Variants in TSHZ3 observed in about 807,000 individuals in gnomAD.
TSHZ3 encodes the protein teashirt zinc finger homeobox 3, also known as teashirt homolog 3.
In TSHZ3, 10 loss-of-function variants were observed where a neutral mutation model predicts 64.5. The observed-to-expected ratio is 0.16, with a 90% CI of 0.10 to 0.26. TSHZ3 has a LOEUF of 0.26. Ranked by LOEUF, TSHZ3 falls within the 10% of genes least tolerant of loss-of-function variation. The pLI is 1.00. For synonymous variants in TSHZ3, 608 were observed against 593.1 expected (o/e 1.03, Z -0.36); for missense variants, 1,242 against 1,421.7 (o/e 0.87, Z 2.03).
intron 4 of TSHZ3, among the ~76,000 whole-genome samples, chr19:31,227,912 T>C (rs559446035): frequency 2.0e-5 from 3 of 152,274 alleles, no homozygotes; most frequent in Non-Finnish European, 2.9e-5. Context: ...GAAATCTTAT[T>C]GGTTTATTTT....
chr19:31,184,881 G>A (rs993877423), intron 5 of TSHZ3, among the ~76,000 whole-genome samples: 18 of 152,188 alleles, frequency 1.2e-4, no homozygotes, highest in Admixed American at 1.1e-3. Flanking sequence ...TAAGCAAAAG[G>A]TCAGCAGAGC....
intron 1 of TSHZ3, among the ~76,000 whole-genome samples, chr19:31,306,182 T>C (rs965725319): frequency 1.3e-5 from 2 of 152,168 alleles, no homozygotes; most frequent in Non-Finnish European, 2.9e-5. Context: ...TGGCCTTGCA[T>C]ATGCAGCCTG....
chr19:31,346,844 T>G (rs1280755295), intron 1 of TSHZ3, among the ~76,000 whole-genome samples: 7 of 136,216 alleles, frequency 5.1e-5, no homozygotes, highest in African/African-American at 1.5e-4. Flanking sequence ...AAATGTGGAG[T>G]TTTTTTTTTT....
At chr19:31,303,547 C>T (rs7255052) in intron 1 of TSHZ3, among the ~76,000 whole-genome samples, 7,449 of 149,870 alleles carry the variant, frequency 0.05, 462 homozygotes, top group African/African-American at 0.13. Flanking sequence ...GCTGAGTGGA[C>T]GGAATCACTC....
intron 5 of TSHZ3, among the ~76,000 whole-genome samples, chr19:31,192,257 TAGA>T (rs1290663633): frequency 2.6e-5 from 4 of 152,222 alleles, no homozygotes; most frequent in African/African-American, 7.2e-5. Context: ...AAGGCACATT[TAGA>T]AGAAGAATAA....
At chr19:31,188,597 T>G (rs1206032820) in intron 5 of TSHZ3, among the ~76,000 whole-genome samples, 1 of 152,000 alleles carries the variant, frequency 6.6e-6, no homozygotes, top group Admixed American at 6.6e-5. Flanking sequence ...TCTTTCATTC[T>G]GGTAATTCTG....
In TSHZ3 at chr19:31,276,512, A is replaced by C; in HGVS notation, c.*35T>G. On this transcript the variant is annotated 3_prime_UTR_variant, in exon 2 of 2. Transcript: ENST00000240587. ...AAGGTGCCTTCCACAGTTTCCCTCA[A>C]AGCAAACTGCAGTCCTTTCTATCAA... is the stretch of plus-strand genomic sequence containing the variant. The C allele has an allele frequency of 6.6e-7, 1 of 1,517,710 alleles. No individual in the cohort carries two copies. The highest frequency in any genetic ancestry group is 8.8e-7 in the Non-Finnish European group (1 of 1,131,614). The allele number at this position is 1,517,710 out of a possible 1,614,324, so 94.0% of individuals were successfully genotyped here.
intron 1 of TSHZ3, among the ~76,000 whole-genome samples, chr19:31,265,843 G>A (rs34007276): frequency 0.27 from 41,245 of 152,138 alleles, 7,068 homozygotes; most frequent in African/African-American, 0.47. Context: ...GAGTCAGAGC[G>A]AGGTGGGGTG....
At chr19:31,241,494 G>A (rs1189702289) in intron 3 of TSHZ3, among the ~76,000 whole-genome samples, 1 of 152,166 alleles carries the variant, frequency 6.6e-6, no homozygotes, top group African/African-American at 2.4e-5. Context: ...TAGTCTCTCT[G>A]CTCTACTTTC....
At chr19:31,299,224 C>T (rs373891477) in intron 1 of TSHZ3, among the ~76,000 whole-genome samples, 23 of 152,272 alleles carry the variant, frequency 1.5e-4, no homozygotes, top group African/African-American at 3.6e-4. Flanking sequence ...AACCGCATGG[C>T]GACTCTCTCT....
At chr19:31,203,038 AGAT>A (rs1975110370) in intron 5 of TSHZ3, among the ~76,000 whole-genome samples, 1 of 152,188 alleles carries the variant, frequency 6.6e-6, no homozygotes, top group African/African-American at 2.4e-5. Context: ...AAGCATTAGA[AGAT>A]GATAAGTAAT....
chr19:31,292,062 G>C (rs1976576223), intron 1 of TSHZ3, among the ~76,000 whole-genome samples: 1 of 152,148 alleles, frequency 6.6e-6, no homozygotes, highest in Non-Finnish European at 1.5e-5. Context: ...TGCCCTCTCA[G>C]AATAAAGAAT....
chr19:31,179,401 C>T (rs1355954760), intron 5 of TSHZ3, among the ~76,000 whole-genome samples: 2 of 152,242 alleles, frequency 1.3e-5, no homozygotes, highest in African/African-American at 4.8e-5. Context: ...TCTTGTAGTG[C>T]TCCCAATTAG....
At chr19:31,260,291 C>T (rs148642908) in intron 1 of TSHZ3, among the ~76,000 whole-genome samples, 1 of 152,240 alleles carries the variant, frequency 6.6e-6, no homozygotes, top group African/African-American at 2.4e-5. Context: ...TCACCATCCT[C>T]GTCTATGTCT....
chr19:31,263,976 T>C (rs1026439105), intron 1 of TSHZ3, among the ~76,000 whole-genome samples: 1 of 152,132 alleles, frequency 6.6e-6, no homozygotes, highest in African/African-American at 2.4e-5. Context: ...TGACATGAAG[T>C]GTGTGACCTT....
chr19:31,348,270 GATCA>G (rs1050069395), intron 1 of TSHZ3, among the ~76,000 whole-genome samples: 3 of 152,080 alleles, frequency 2.0e-5, no homozygotes, highest in South Asian at 2.1e-4. Flanking sequence ...CATGACGGGC[GATCA>G]ATCAGTCATC....
At chr19:31,317,114 C>T (rs1916623558) in intron 1 of TSHZ3, among the ~76,000 whole-genome samples, 1 of 152,126 alleles carries the variant, frequency 6.6e-6, no homozygotes, top group Admixed American at 6.5e-5. Flanking sequence ...ACAAAATTCT[C>T]TTCTCCAGGA....
exon 7 of TSHZ3, among the ~76,000 whole-genome samples, chr19:31,151,405 C>A (rs1974236776): frequency 6.6e-6 from 1 of 152,164 alleles, no homozygotes; most frequent in African/African-American, 2.4e-5. Flanking sequence ...CATGAGCCAT[C>A]TTCTTCCAGG....
At chr19:31,252,191 T>C (rs1488710609) in intron 1 of TSHZ3, among the ~76,000 whole-genome samples, 1 of 152,230 alleles carries the variant, frequency 6.6e-6, no homozygotes, top group African/African-American at 2.4e-5. Flanking sequence ...TCAAGGTGTC[T>C]ACAGGGTCAT....
Sources: gnomAD v4.1 joint callset for allele counts (sites outside exome capture counted in the v4.1 genomes callset) on GRCh38, gnomAD v4.1.1 for gene constraint, MANE v1.5 for transcripts, NCBI Gene and HGNC (gene_info 2026-07-23, HGNC 2026-07-21) for gene names.